The following HTR4 variants were observed in gnomAD, a reference collection of about 807,000 sequenced individuals.
The protein encoded by HTR4 is 5-hydroxytryptamine (serotonin) receptor 4, G protein-coupled.
A neutral mutation model predicts 36.8 loss-of-function variants in HTR4; 16 were observed. The observed-to-expected ratio is 0.43, with a 90% CI of 0.29 to 0.66. The LOEUF is 0.66. Among genes scored for constraint, HTR4 ranks in the 30% least tolerant of loss-of-function variants. The probability of loss-of-function intolerance (pLI) is 0.13; values close to 1 mark genes in which losing one functional copy is unlikely to be tolerated. For missense variants in HTR4, 438 were observed against 490.9 expected (o/e 0.89, Z 1.02); for synonymous variants, 189 against 185.1 (o/e 1.02, Z -0.17).
chr5:148,609,553 TG>T (rs1752320933), intron 2 of HTR4, among the ~76,000 whole-genome samples: 1 of 151,844 alleles, frequency 6.6e-6, no homozygotes, highest in African/African-American at 2.4e-5. Flanking sequence ...TTTTGTATAA[TG>T]TGCTTGTGTA....
chr5:148,490,831 G>T (rs540069428), intron 6 of HTR4: 1 of 626,244 alleles, frequency 1.6e-6, no homozygotes, highest in South Asian at 1.5e-5. Flanking sequence ...TCGAATTCCT[G>T]TTTCCTCTAA....
chr5:148,546,554 T>A (rs942089592), intron 4 of HTR4, among the ~76,000 whole-genome samples: 1 of 152,184 alleles, frequency 6.6e-6, no homozygotes, highest in Non-Finnish European at 1.5e-5. Flanking sequence ...AAGCCAAACC[T>A]GTCAAGGAAA....
downstream of HTR4, among the ~76,000 whole-genome samples, chr5:148,474,269 G>A (rs969806571): frequency 2.6e-5 from 4 of 151,962 alleles, no homozygotes; most frequent in East Asian, 1.9e-4. Context: ...CCTTCCCAGC[G>A]GCAAGTTACT....
chr5:148,626,642 A>G (rs142386192), intron 2 of HTR4, among the ~76,000 whole-genome samples: 9 of 152,294 alleles, frequency 5.9e-5, no homozygotes, highest in African/African-American at 1.9e-4. Context: ...CTTCCTAATT[A>G]TGCAAAATGC....
chr5:148,572,647 G>A (rs574195732), intron 2 of HTR4, among the ~76,000 whole-genome samples: 43 of 152,142 alleles, frequency 2.8e-4, no homozygotes, highest in African/African-American at 9.4e-4. Flanking sequence ...CCATGAGTTC[G>A]TCATTACCAA....
intron 5 of HTR4, among the ~76,000 whole-genome samples, chr5:148,453,139 G>A (rs1755013543): frequency 6.6e-6 from 1 of 152,150 alleles, no homozygotes; most frequent in South Asian, 2.1e-4. Flanking sequence ...ACCCCTCAGA[G>A]GCAGTGCTTT....
chr5:148,626,401 A>G (rs989802280), intron 2 of HTR4, among the ~76,000 whole-genome samples: 2 of 152,228 alleles, frequency 1.3e-5, no homozygotes, highest in African/African-American at 4.8e-5. Context: ...TCAATGCACT[A>G]TTTATTTTCC....
At chr5:148,623,612 A>C (rs1322728026) in intron 2 of HTR4, among the ~76,000 whole-genome samples, 1 of 152,150 alleles carries the variant, frequency 6.6e-6, no homozygotes, top group Non-Finnish European at 1.5e-5. Flanking sequence ...AGTCAAATTT[A>C]ACCAATTATC....
chr5:148,535,526 T>C (rs1758772258), intron 4 of HTR4, among the ~76,000 whole-genome samples: 1 of 151,908 alleles, frequency 6.6e-6, no homozygotes, highest in African/African-American at 2.4e-5. Context: ...AAATAGCCAG[T>C]ATAAAAAAAG....
At chr5:148,465,870 C>T (rs559935246) in intron 5 of HTR4, 7 of 1,612,706 alleles carry the variant, frequency 4.3e-6, no homozygotes, top group South Asian at 2.2e-5. Context: ...CAGAGTTAGA[C>T]AGGAACTGGT....
intron 5 of HTR4, among the ~76,000 whole-genome samples, chr5:148,453,851 T>G (rs1382586079): frequency 1.3e-5 from 2 of 152,110 alleles, no homozygotes; most frequent in African/African-American, 4.8e-5. Flanking sequence ...TGAGACCAAT[T>G]AGGAGTTTAC....
intron 2 of HTR4, among the ~76,000 whole-genome samples, chr5:148,625,483 T>C (rs1357200002): frequency 6.6e-6 from 1 of 152,244 alleles, no homozygotes; most frequent in Non-Finnish European, 1.5e-5. Flanking sequence ...ATATTTTAAA[T>C]ACTTTTCAAC....
intron 5 of HTR4, among the ~76,000 whole-genome samples, chr5:148,466,934 G>T (rs545645475): frequency 3.3e-5 from 5 of 152,068 alleles, no homozygotes; most frequent in Non-Finnish European, 5.9e-5. Flanking sequence ...TGAAAACTAC[G>T]TCTATTTTAT....
intron 4 of HTR4, among the ~76,000 whole-genome samples, chr5:148,527,788 A>G (rs886400003): frequency 1.3e-5 from 2 of 152,040 alleles, no homozygotes; most frequent in Non-Finnish European, 2.9e-5. Context: ...TAATTTTTAT[A>G]TTTTTAGCAG....
At chr5:148,579,793 C>G (rs112938849) in intron 2 of HTR4, among the ~76,000 whole-genome samples, 117 of 152,204 alleles carry the variant, frequency 7.7e-4, no homozygotes, top group African/African-American at 2.6e-3. Flanking sequence ...TCTCCTCCAT[C>G]TTCAAAGCCA....
chr5:148,653,333 A>G (rs1393358352), intron 1 of HTR4, among the ~76,000 whole-genome samples: 1 of 152,116 alleles, frequency 6.6e-6, no homozygotes, highest in Non-Finnish European at 1.5e-5. Flanking sequence ...CATGCCTACC[A>G]CTTTTTGACC....
intron 6 of HTR4, among the ~76,000 whole-genome samples, chr5:148,505,541 A>G (rs1441895392): frequency 1.3e-5 from 2 of 152,226 alleles, no homozygotes; most frequent in South Asian, 2.1e-4. Context: ...GGCAGGAGAA[A>G]GAAATAAAGG....
In HTR4 at chr5:148,470,522, T is replaced by C. The variant is rs368207123; in HGVS notation, c.1077-19250A>G. Among the ~76,000 whole-genome samples, 69 of 152,348 alleles carry C rather than the reference T, an allele frequency of 4.5e-4. 1 individual carries two copies. The South Asian group carries it at 0.014, about 30-fold the overall frequency. On this transcript the variant is annotated intron_variant, in intron 5 of 5. Coordinates refer to the HTR4 transcript ENST00000521530. ...GCCTTGAAGCCACATAGAGTCTTTGTTGCATATTCTTTTTTGCTTTCCTTG... is the reference window on the plus strand; with the variant it reads ...GCCTTGAAGCCACATAGAGTCTTTGCTGCATATTCTTTTTTGCTTTCCTTG...
intron 6 of HTR4, among the ~76,000 whole-genome samples, chr5:148,508,409 A>T (rs73266482): frequency 6.6e-6 from 1 of 152,194 alleles, no homozygotes. Context: ...GGAAAGAGGT[A>T]CCATAACTAG....
Sources: gnomAD v4.1 joint callset for allele counts (sites outside exome capture counted in the v4.1 genomes callset) on GRCh38, gnomAD v4.1.1 for gene constraint, MANE v1.5 for transcripts, NCBI Gene and HGNC (gene_info 2026-07-23, HGNC 2026-07-21) for gene names.